Variants in EPHB2 observed in about 807,000 individuals in gnomAD.
EPHB2 encodes the protein ephrin type-B receptor 2.
In EPHB2, 18 loss-of-function variants were observed where a neutral mutation model predicts 96.4. The ratio of observed to expected loss-of-function variants is 0.19; its 90% CI spans 0.13 to 0.28. The LOEUF is 0.28. Ranked by LOEUF, EPHB2 falls within the 10% of genes least tolerant of loss-of-function variation. The pLI is 1.00. For missense variants in EPHB2, 989 were observed against 1,355.4 expected, an observed-to-expected ratio of 0.73 and a Z score of 4.25; for synonymous variants, 506 against 534.1, an observed-to-expected ratio of 0.95 and a Z score of 0.72.
chr1:22,915,766 T>C lies in EPHB2; in HGVS notation c.*2196T>C, dbSNP rs1475338562. On this transcript the variant is annotated 3_prime_UTR_variant, in exon 16 of 16. Coordinates refer to ENST00000374630, the MANE Select transcript of EPHB2 (RefSeq NM_017449.5). ...CTTGCTCACATTAAAATCAGAATTG[T>C]CCACGTGGCAGGAGGAGGCAGGGAG... The C allele has an allele frequency of 6.6e-6, 1 of 152,342 alleles. No homozygotes were observed. The highest frequency in any genetic ancestry group is 1.5e-5 in the Non-Finnish European group (1 of 68,146). 9.4% of individuals were successfully genotyped at this position (152,342 alleles called of 1,614,324 possible). A position where few individuals can be genotyped will look rare whatever the true frequency, so the allele number is the denominator to read the frequency against.
In EPHB2 at chr1:22,906,286, A is replaced by G. The variant is rs990398347; in HGVS notation, c.1888+177A>G. On this transcript the variant is annotated intron_variant, in intron 10 of 15. Transcript: ENST00000374630. This position sits in a 1 kb window ranked among gnomAD's most constrained non-coding sequence, Gnocchi z 4.8. ...GGGCCCTCAAAGGTCATCCAGTAAA[A>G]CCACCTCACTGACAAAAGAGGAAAC... Among the ~76,000 whole-genome samples the G allele has an allele frequency of 2.6e-5, 4 of 152,028 alleles. No homozygotes were observed. Among genetic ancestry groups the G allele is most frequent in the African/African-American group, 4.8e-5 (2 of 41,382 alleles).
At chr1:22,879,543 T>C (rs1282749769) in intron 5 of EPHB2, among the ~76,000 whole-genome samples, 3 of 152,182 alleles carry the variant, frequency 2.0e-5, no homozygotes, top group African/African-American at 7.2e-5. Context: ...AGGAACTGCT[T>C]TGAGACCCAG....
intron 3 of EPHB2, among the ~76,000 whole-genome samples, chr1:22,797,546 C>G (rs1238734869): frequency 6.6e-6 from 1 of 152,116 alleles, no homozygotes; most frequent in East Asian, 1.9e-4. Context: ...CTCCACCCAG[C>G]CCCACAGCTT....
chr1:22,750,806 C>T (rs1203510247), intron 1 of EPHB2, among the ~76,000 whole-genome samples: 2 of 152,216 alleles, frequency 1.3e-5, no homozygotes, highest in African/African-American at 2.4e-5. Context: ...CTTTATGAGA[C>T]AGGTGCTATT....
intron 1 of EPHB2, among the ~76,000 whole-genome samples, chr1:22,779,937 G>A (rs1644505465): frequency 6.6e-6 from 1 of 152,154 alleles, no homozygotes; most frequent in African/African-American, 2.4e-5. Flanking sequence ...GCAAGGTGGT[G>A]TCACTGTGAC....
In EPHB2 at chr1:22,747,347, T is replaced by C. The variant is rs538072034; in HGVS notation, c.62-34074T>C. 3.9e-5 allele frequency among the ~76,000 whole-genome samples: 6 copies of C among 152,378 alleles called. No homozygotes were observed. The East Asian group carries it at 1.2e-3, about 29-fold the overall frequency. On this transcript the variant is annotated intron_variant, in intron 1 of 15. Transcript: ENST00000374630. ...TCTGATAAGTGCTTTTACGGAGTTA[T>C]ATTACTTAATCCTTGACATTGCCCC...
chr1:22,774,501 C>A, intron 1 of EPHB2: 3 of 920,408 alleles, frequency 3.3e-6, no homozygotes, highest in Non-Finnish European at 3.9e-6. Context: ...GCTAACAAAG[C>A]AAGAAGGGCC....
At chr1:22,827,319 A>C in intron 3 of EPHB2, among the ~76,000 whole-genome samples, 1 of 152,312 alleles carries the variant, frequency 6.6e-6, no homozygotes, top group South Asian at 2.1e-4. Flanking sequence ...TCATGGCAGG[A>C]ACTGGATTGC....
intron 3 of EPHB2, among the ~76,000 whole-genome samples, chr1:22,829,838 G>A (rs1045015618): frequency 6.6e-6 from 1 of 152,158 alleles, no homozygotes. Context: ...CAGAGGAAGT[G>A]ACAGGACAAA....
At position 22,776,362 on chromosome 1, in the gene EPHB2, C is replaced by T. The variant is rs536129145; in HGVS notation, c.62-5059C>T. The stretch of plus-strand genomic sequence containing the variant: ...ATTTGGCATTTTCTTCCCCTCCTTC[C>T]GTATTCATTTCCTGTAACCTGCAAT... On this transcript the variant is annotated intron_variant, in intron 1 of 15. Transcript: ENST00000374630. Among the ~76,000 whole-genome samples the T allele has an allele frequency of 2.6e-5, 4 of 152,348 alleles. No homozygotes were observed. The East Asian group carries it at 5.8e-4, about 22-fold the overall frequency.
At chr1:22,847,550 G>A (rs1557709977) in intron 3 of EPHB2, among the ~76,000 whole-genome samples, 2 of 152,324 alleles carry the variant, frequency 1.3e-5, no homozygotes, top group South Asian at 4.1e-4. Context: ...TTTGAAACGG[G>A]GGAGAGGGCC....
In EPHB2 at chr1:22,915,048, G is replaced by A. The variant is rs1376833479; in HGVS notation, c.*1478G>A. On this transcript the variant is annotated 3_prime_UTR_variant, in exon 16 of 16. Coordinates refer to ENST00000374630, the MANE Select transcript of EPHB2 (RefSeq NM_017449.5). ...GGAGCCTAAACCAGGCTGCATCGGA[G>A]GCCAGGACCCGGATCATTCACTGTG... The A allele has an allele frequency of 8.5e-5, 13 of 152,612 alleles. No homozygotes were observed. Among genetic ancestry groups the A allele is most frequent in the Admixed American group, 8.5e-4 (13 of 15,278 alleles). The allele number at this position is 152,612 out of a possible 1,614,324, so 9.5% of individuals were successfully genotyped here. A position where few individuals can be genotyped will look rare whatever the true frequency, so the allele number is the denominator to read the frequency against.
At chr1:22,713,554 G>A (rs1643213592) in intron 1 of EPHB2, among the ~76,000 whole-genome samples, 1 of 152,190 alleles carries the variant, frequency 6.6e-6, no homozygotes. Context: ...AGCCAGGGAT[G>A]GACGGTGCTG....
chr1:22,862,667 A>G (rs1638307011), intron 3 of EPHB2, among the ~76,000 whole-genome samples: 1 of 152,152 alleles, frequency 6.6e-6, no homozygotes, highest in Non-Finnish European at 1.5e-5. Flanking sequence ...TCTAAGAATC[A>G]GGGCCCAGCC....
In EPHB2 at chr1:22,781,449, T is replaced by A; in HGVS notation, c.90T>A (p.Thr30=). The A allele has an allele frequency of 6.2e-7, 1 of 1,614,128 alleles. No homozygotes were observed. ...CGCTAATGGACTCCACTACAGCGACTGCTGAGCTGGGCTGGATGGTGCATC... is the reference window on the plus strand; with the variant it reads ...CGCTAATGGACTCCACTACAGCGACAGCTGAGCTGGGCTGGATGGTGCATC... ...EETLMDSTTA[T]AELGWMVHPP... The change falls in exon 2 of 16, where the codon ACT becomes ACA. Residue 30 remains threonine (T), a synonymous_variant. Transcript: ENST00000374630.
intron 1 of EPHB2, among the ~76,000 whole-genome samples, chr1:22,745,162 C>T (rs1643954733): frequency 6.6e-6 from 1 of 152,200 alleles, no homozygotes; most frequent in African/African-American, 2.4e-5. Context: ...TTGCCTGTCA[C>T]AGCTCCAAAC....
intron 1 of EPHB2, among the ~76,000 whole-genome samples, chr1:22,749,625 A>C (rs2148377457): frequency 6.6e-6 from 1 of 152,172 alleles, no homozygotes; most frequent in South Asian, 2.1e-4. Context: ...TCTTTGAGGG[A>C]AGGGGAAAGG....
intron 6 of EPHB2, among the ~76,000 whole-genome samples, chr1:22,886,121 G>T (rs1489782283): frequency 6.6e-6 from 1 of 152,180 alleles, no homozygotes; most frequent in African/African-American, 2.4e-5. Context: ...CACCAATAGG[G>T]GCCCACAGTC....
At chr1:22,712,177 G>A (rs565873666) in intron 1 of EPHB2, among the ~76,000 whole-genome samples, 416 of 152,258 alleles carry the variant, frequency 2.7e-3, no homozygotes, top group Non-Finnish European at 3.9e-3. Context: ...TACACCTTCC[G>A]GGGAAGACAG....
Sources: gnomAD v4.1 joint callset for allele counts (sites outside exome capture counted in the v4.1 genomes callset) on GRCh38, gnomAD v4.1.1 for gene constraint, Gnocchi (gnomAD v3.1) non-coding constraint, MANE v1.5 for transcripts, NCBI Gene and HGNC (gene_info 2026-07-23, HGNC 2026-07-21) for gene names.